SYNE2: variants seen among roughly 807,000 people sequenced by gnomAD.
The protein encoded by SYNE2 is nesprin-2.
SYNE2 carries 431 observed loss-of-function variants against 856.3 expected under a neutral mutation model. The observed-to-expected ratio is 0.50, with a 90% CI of 0.47 to 0.55. The LOEUF (loss-of-function observed/expected upper bound fraction) is 0.55. Among genes scored for constraint, SYNE2 ranks in the 20% least tolerant of loss-of-function variants. The probability of loss-of-function intolerance (pLI) is 0.00; values close to 1 mark genes in which losing one functional copy is unlikely to be tolerated. For synonymous variants in SYNE2, 2,923 were observed against 2,872.3 expected, an observed-to-expected ratio of 1.02 and a Z score of -0.56; for missense variants, 8,129 against 8,023.2, an observed-to-expected ratio of 1.01 and a Z score of -0.50.
intron 60 of SYNE2, among the ~76,000 whole-genome samples, chr14:64,091,937 A>G (rs2097620672): frequency 6.6e-6 from 1 of 151,850 alleles, no homozygotes; most frequent in African/African-American, 2.4e-5. Context: ...TTTCATGCAC[A>G]TTTTGGTGGC....
At position 63,993,166 on chromosome 14, in the gene SYNE2, G is replaced by T. The variant is rs1217151292; in HGVS notation, c.2647-669G>T. On this transcript the variant is annotated intron_variant, in intron 21 of 115. Coordinates refer to ENST00000555002, the MANE Select transcript of SYNE2 (RefSeq NM_182914.3). Reference sequence around the variant, plus strand: ...CCCTGGGCAAAACTTTGAAGTTGATGGTGAAACAAATTGGCCTCCTTTCAG... The same window carrying T: ...CCCTGGGCAAAACTTTGAAGTTGATTGTGAAACAAATTGGCCTCCTTTCAG... Among the ~76,000 whole-genome samples the T allele has an allele frequency of 2.0e-5, 3 of 152,290 alleles. No homozygotes were observed. In the South Asian group the frequency reaches 6.2e-4, roughly 32 times the overall value.
intron 1 of SYNE2, among the ~76,000 whole-genome samples, chr14:63,822,045 G>T (rs61985730): frequency 0.45 from 67,898 of 151,654 alleles, 15,993 homozygotes; most frequent in South Asian, 0.55. Context: ...ACAAAAATTA[G>T]CTGGGCATTG....
intron 1 of SYNE2, among the ~76,000 whole-genome samples, chr14:63,781,869 G>A (rs1887325737): frequency 6.6e-6 from 1 of 152,020 alleles, no homozygotes; most frequent in South Asian, 2.1e-4. Flanking sequence ...AAGGTCAGGA[G>A]CAGTGACTCA....
Position 64,021,961 on chromosome 14 carries a change from A to C in SYNE2, c.5457A>C (p.Glu1819Asp). 1 of 1,613,846 alleles carries C rather than the reference A, an allele frequency of 6.2e-7. No homozygotes were observed. The highest frequency in any genetic ancestry group is 1.1e-5 in the South Asian group (1 of 91,074). ...TCTCTGAATTGAAAAAGCAATATGA[A>C]AGTGTCAGTGATTTATTTAATACCA... ...PELSELKKQY[E>D]SVSDLFNTKK... is the part of the protein sequence containing the mutation. The change falls in exon 37 of 116, where the codon GAA (glutamate) becomes GAC (aspartate). Residue 1819 changes from glutamate to aspartate, a missense_variant. Coordinates refer to ENST00000555002, the MANE Select transcript of SYNE2 (RefSeq NM_182914.3).
At chr14:64,041,059 C>T (rs983624837) in intron 45 of SYNE2, among the ~76,000 whole-genome samples, 3 of 152,072 alleles carry the variant, frequency 2.0e-5, no homozygotes, top group Admixed American at 2.0e-4. Flanking sequence ...ATAAGTTCTT[C>T]AAGGAACTGT....
At chr14:64,113,312 T>C in intron 65 of SYNE2, 29 bp from the exon 66 acceptor site, 1 of 1,612,856 alleles carries the variant, frequency 6.2e-7, no homozygotes, top group Non-Finnish European at 8.5e-7. Flanking sequence ...AACTTTGGAC[T>C]CCCTGGCTTA....
At chr14:64,146,011 C>T in intron 83 of SYNE2, 57 bp from the exon 84 acceptor site, 1 of 1,263,796 alleles carries the variant, frequency 7.9e-7, no homozygotes, top group Non-Finnish European at 1.1e-6. Flanking sequence ...AACGTCATGG[C>T]ATTTACCTTT....
chr14:63,795,946 G>A (rs1887902256), intron 1 of SYNE2, among the ~76,000 whole-genome samples: 1 of 152,184 alleles, frequency 6.6e-6, no homozygotes. Flanking sequence ...TATAGAAACA[G>A]AAAGCAGATC....
intron 52 of SYNE2, among the ~76,000 whole-genome samples, chr14:64,071,857 A>G (rs571604299): frequency 3.3e-5 from 5 of 152,130 alleles, no homozygotes; most frequent in Non-Finnish European, 7.3e-5. Context: ...TCTCTACTAA[A>G]AATACAAAAA....
chr14:63,969,415 A>G (rs941610614), intron 11 of SYNE2, among the ~76,000 whole-genome samples: 1 of 138,954 alleles, frequency 7.2e-6, no homozygotes, highest in African/African-American at 2.7e-5. Context: ...ATCTCGGCTC[A>G]CTGCAACCCC....
At position 64,130,083 on chromosome 14, in the gene SYNE2, C is replaced by T. The variant is rs1231727262; in HGVS notation, c.14175C>T (p.Ala4725=). 6.2e-7 allele frequency: 1 copy of T among 1,614,014 alleles called. No individual in the cohort carries two copies. Among genetic ancestry groups the T allele is most frequent in the Non-Finnish European group, 8.5e-7 (1 of 1,180,028 alleles). ...ACAGTATGTGGGGAATGCTAAGAGC[C>T]AGGTACACAGAACTCAGCAGCCCTT... The part of the protein sequence containing the change: ...VLDSMWGMLR[A]RYTELSSPFV... Residue 4725 remains alanine, a synonymous_variant, in exon 76 of 116, where the codon GCC becomes GCT. Coordinates refer to ENST00000555002, the MANE Select transcript of SYNE2 (RefSeq NM_182914.3).
At chr14:64,176,681 C>T (rs1246638005) in intron 95 of SYNE2, among the ~76,000 whole-genome samples, 1 of 152,068 alleles carries the variant, frequency 6.6e-6, no homozygotes. Flanking sequence ...ACAGTTACTC[C>T]GTACAGTAGC....
At chr14:63,902,627 G>A (rs1025503789) in intron 1 of SYNE2, among the ~76,000 whole-genome samples, 53 of 151,798 alleles carry the variant, frequency 3.5e-4, no homozygotes, top group African/African-American at 1.2e-3. Context: ...TAGAGACCCG[G>A]GAGACTCAAT....
In SYNE2 at chr14:64,152,643, C is replaced by T. The variant is rs140863307; in HGVS notation, c.15719C>T (p.Ala5240Val). Reference protein sequence around the residue: ...KQSYLTLESGAVPLLEDTASR... With the variant: ...KQSYLTLESGVVPLLEDTASR... Reference sequence around the variant, plus strand: ...AGTTATCTGACTTTGGAGAGTGGGGCAGTGCCATTGTTAGAAGATACAGCA... The same window carrying T: ...AGTTATCTGACTTTGGAGAGTGGGGTAGTGCCATTGTTAGAAGATACAGCA... The change falls in exon 85 of 116, where the codon GCA becomes GTA. Residue 5240 changes from alanine to valine, a missense_variant. Ala to Val is a moderately conservative substitution (Grantham distance 64, BLOSUM62 0). Transcript: ENST00000555002. 3.0e-5 allele frequency: 49 copies of T among 1,614,100 alleles called. No homozygotes were observed. In the African/African-American group the frequency reaches 5.3e-4, roughly 18 times the overall value.
intron 99 of SYNE2, chr14:64,190,602 T>A: frequency 1.4e-6 from 1 of 702,210 alleles, no homozygotes; most frequent in Non-Finnish European, 2.6e-6. Flanking sequence ...CCTGCCTCAG[T>A]ATGGCAGATC....
chr14:64,046,657 AT>A (rs1246402583), intron 45 of SYNE2, among the ~76,000 whole-genome samples: 1 of 152,156 alleles, frequency 6.6e-6, no homozygotes, highest in African/African-American at 2.4e-5. Flanking sequence ...TGCCTGGCCA[AT>A]TTATCCTTAA....
In SYNE2 at chr14:64,087,945, G is replaced by A. The variant is rs773414919; in HGVS notation, c.11670+89G>A. 6 of 1,404,726 alleles carry A rather than the reference G, an allele frequency of 4.3e-6. 1 individual carries two copies. The highest frequency in any genetic ancestry group is 9.9e-7 in the Non-Finnish European group (1 of 1,007,790). The allele number at this position is 1,404,726 out of a possible 1,614,324, so 87.0% of individuals were successfully genotyped here. A position where few individuals can be genotyped will look rare whatever the true frequency, so the allele number is the denominator to read the frequency against. ...TCCCTATAATTCCAGCACTTTGGGA[G>A]GCCAAGGCGGGTGGATCACTTGAGG... On this transcript the variant is annotated intron_variant, in intron 58 of 115. Transcript: ENST00000555002.
In SYNE2 at chr14:64,224,490, C is replaced by G; in HGVS notation, c.20412C>G (p.Asp6804Glu). ...CAGCCTCACCCCTGCCCAGCTTCGA[C>G]GAGGTAGACTCGGGGGACCAGCCTC... is the stretch of plus-strand genomic sequence containing the variant. ...QNPASPLPSF[D>E]EVDSGDQPPA... The change falls in exon 114 of 116, where the codon GAC (aspartate) becomes GAG (glutamate). Residue 6804 changes from aspartate (D) to glutamate (E), a missense_variant. Physicochemically the swap from Asp to Glu is conservative, Grantham distance 45 (BLOSUM62 2). This residue lies in a region of SYNE2 where 5,410 missense variants were observed against 5,284.8 expected (regional missense o/e 1.02). Coordinates refer to ENST00000555002, the MANE Select transcript of SYNE2 (RefSeq NM_182914.3). 1 of 1,614,036 alleles carries G rather than the reference C, an allele frequency of 6.2e-7. No individual in the cohort carries two copies. Among genetic ancestry groups the G allele is most frequent in the Non-Finnish European group, 8.5e-7 (1 of 1,179,992 alleles).
chr14:63,897,431 C>T (rs2095270993), intron 1 of SYNE2, among the ~76,000 whole-genome samples: 1 of 152,156 alleles, frequency 6.6e-6, no homozygotes, highest in Admixed American at 6.5e-5. Flanking sequence ...GAATCAGCGA[C>T]AGTTTATCTG....
Sources: gnomAD v4.1 joint callset for allele counts (sites outside exome capture counted in the v4.1 genomes callset) on GRCh38, gnomAD v4.1.1 for gene constraint, gnomAD v4.1.1 regional missense constraint, MANE v1.5 for transcripts, NCBI Gene and HGNC (gene_info 2026-07-23, HGNC 2026-07-21) for gene names.